The following ARHGAP8 variants were observed in gnomAD, a reference collection of about 807,000 sequenced individuals.
ARHGAP8 encodes the protein Rho GTPase activating protein 8, also known as rho GTPase-activating protein 8.
A neutral mutation model predicts 46.1 loss-of-function variants in ARHGAP8; 62 were observed. The ratio of observed to expected loss-of-function variants is 1.34; its 90% CI spans 1.10 to 1.66. The LOEUF is 1.66. Ranked by LOEUF, ARHGAP8 falls within the 40% of genes most tolerant of loss-of-function variation. The pLI, the probability that ARHGAP8 is intolerant of heterozygous loss-of-function variation, is 0.00. For missense variants in ARHGAP8, 923 were observed against 568.4 expected (o/e 1.62, Z -6.34); for synonymous variants, 375 against 243.1 (o/e 1.54, Z -5.05).
At chr22:44,819,786 T>G (rs750280544) in intron 5 of ARHGAP8, among the ~76,000 whole-genome samples, 1 of 152,196 alleles carries the variant, frequency 6.6e-6, no homozygotes, top group Non-Finnish European at 1.5e-5. Flanking sequence ...GTCAGCCACA[T>G]TTTCCCCATT....
chr22:44,840,456 C>G (rs1296446244), intron 7 of ARHGAP8, among the ~76,000 whole-genome samples: 1 of 152,080 alleles, frequency 6.6e-6, no homozygotes, highest in African/African-American at 2.4e-5. Flanking sequence ...CTTCTGCTCA[C>G]TAGATCCTCT....
intron 7 of ARHGAP8, among the ~76,000 whole-genome samples, chr22:44,828,367 C>A (rs565565608): frequency 6.6e-6 from 1 of 152,052 alleles, no homozygotes; most frequent in Non-Finnish European, 1.5e-5. Context: ...ACCTCGGTCC[C>A]CTCCTGGGGG....
chr22:44,862,118 G>C (rs910734915), intron 11 of ARHGAP8, among the ~76,000 whole-genome samples, 157 bp from the exon 12 acceptor site: 1 of 152,136 alleles, frequency 6.6e-6, no homozygotes, highest in Admixed American at 6.5e-5. Context: ...GCCCTGAGTG[G>C]GCAGGTGGCT....
rs1394146770 is a variant in ARHGAP8 at position 44,814,865 on chromosome 22, G to A, written c.386+107G>A. ...CGCATCATGGAGGGCCCGTCTCCAG[G>A]GTGCCTGTGTATCTGGGGCTCCCTA... On this transcript the variant is annotated intron_variant, in intron 5 of 11. Coordinates refer to ENST00000356099, the MANE Select transcript of ARHGAP8 (RefSeq NM_181335.3). 4.4e-6 allele frequency: 6 copies of A among 1,348,668 alleles called. No individual in the cohort carries two copies. In the East Asian group the frequency reaches 1.4e-4, roughly 33 times the overall value. 83.5% of individuals were successfully genotyped at this position (1,348,668 alleles called of 1,614,324 possible). A position where few individuals can be genotyped will look rare whatever the true frequency, so the allele number is the denominator to read the frequency against.
intron 7 of ARHGAP8, among the ~76,000 whole-genome samples, chr22:44,827,882 C>T (rs946739007): frequency 6.6e-6 from 1 of 152,152 alleles, no homozygotes; most frequent in Non-Finnish European, 1.5e-5. Flanking sequence ...AAGAGGACTG[C>T]TGGTGCCCCA....
intron 11 of ARHGAP8, among the ~76,000 whole-genome samples, chr22:44,861,101 A>G (rs376007230): frequency 6.6e-6 from 1 of 152,110 alleles, no homozygotes; most frequent in South Asian, 2.1e-4. Flanking sequence ...CCTCCCACGT[A>G]GCTGGGATTA....
intron 10 of ARHGAP8, among the ~76,000 whole-genome samples, chr22:44,855,812 T>C (rs546912133): frequency 6.6e-6 from 1 of 152,260 alleles, no homozygotes; most frequent in South Asian, 2.1e-4. Flanking sequence ...ATGTCAGCTG[T>C]CGCCGAGTCT....
intron 7 of ARHGAP8, among the ~76,000 whole-genome samples, chr22:44,835,340 C>T (rs1046766742): frequency 6.6e-6 from 1 of 151,812 alleles, no homozygotes; most frequent in Non-Finnish European, 1.5e-5. Flanking sequence ...GATTGTGGAG[C>T]CAGGCGTGGT....
intron 11 of ARHGAP8, among the ~76,000 whole-genome samples, chr22:44,861,971 C>T (rs574032775): frequency 6.6e-6 from 1 of 152,172 alleles, no homozygotes; most frequent in Non-Finnish European, 1.5e-5. Flanking sequence ...TACAGCCCAT[C>T]CCCAAGATTG....
chr22:44,856,962 C>T lies in ARHGAP8; in HGVS notation c.878-2769C>T, dbSNP rs550418214. On this transcript the variant is annotated intron_variant, in intron 10 of 11. Coordinates refer to ENST00000356099, the MANE Select transcript of ARHGAP8 (RefSeq NM_181335.3). ...AAGAATTCTTTTTTTTTTTTTGAGA[C>T]GGAGTTTTGCTCTTGTCGCAAAGGC... Among the ~76,000 whole-genome samples, 538 of 138,342 alleles carry T rather than the reference C, an allele frequency of 3.9e-3. 100 individuals are homozygous for T. Among genetic ancestry groups the T allele is most frequent in the African/African-American group, 0.015 (513 of 33,420 alleles). The allele number at this position is 138,342 out of a possible 152,430, so 90.8% of individuals were successfully genotyped here. A position where few individuals can be genotyped will look rare whatever the true frequency, so the allele number is the denominator to read the frequency against.
rs139403302 is a variant in ARHGAP8, at chr22:44,768,991, T to C, written c.-72+16364T>C. ...CTGGGATTACACGTGTGCACCATCA[T>C]GCCTGGCTAATTTTTGTATTTTTAG... On this transcript the variant is annotated intron_variant, in intron 1 of 11. Coordinates refer to ENST00000356099, the MANE Select transcript of ARHGAP8 (RefSeq NM_181335.3). Among the ~76,000 whole-genome samples the C allele has an allele frequency of 7.3e-3, 1,111 of 152,224 alleles. 6 individuals carry two copies. The highest frequency in any genetic ancestry group is 0.027 in the East Asian group (142 of 5,172).
chr22:44,776,815 G>A (rs920373284), intron 1 of ARHGAP8, among the ~76,000 whole-genome samples: 1 of 152,100 alleles, frequency 6.6e-6, no homozygotes, highest in African/African-American at 2.4e-5. Flanking sequence ...GGGGTGCATG[G>A]GAAGAGGTGT....
intron 7 of ARHGAP8, among the ~76,000 whole-genome samples, chr22:44,833,096 C>CTTTTCTTTTCTTTTTTT (rs535842585): frequency 8.3e-5 from 10 of 120,432 alleles, no homozygotes; most frequent in Admixed American, 1.8e-4. Flanking sequence ...CTTTTCTTTT[C>CTTTTCTTTTCTTTTTTT]TTTTTTTTTT....
intron 1 of ARHGAP8, among the ~76,000 whole-genome samples, chr22:44,758,547 T>C (rs909016403): frequency 6.6e-6 from 1 of 152,056 alleles, no homozygotes; most frequent in South Asian, 2.1e-4. Flanking sequence ...AATTGGACTT[T>C]AGCCAATGAT....
In ARHGAP8 at chr22:44,786,465, A is replaced by G. The variant is rs1302756668; in HGVS notation, c.-63A>G. The G allele has an allele frequency of 1.2e-6, 2 of 1,603,330 alleles. No individual in the cohort carries two copies. Among genetic ancestry groups the G allele is most frequent in the Non-Finnish European group, 1.7e-6 (2 of 1,175,208 alleles). On this transcript the variant is annotated 5_prime_UTR_variant, in exon 2 of 12. Coordinates refer to ENST00000356099, the MANE Select transcript of ARHGAP8 (RefSeq NM_181335.3). ...AATCTTCTTTGCCGCAGAGCTGCAG[A>G]GAGACAAGGCGGCGGCGGCTGCTGT...
rs1336562781 is a variant in ARHGAP8, at chr22:44,798,889, C to T, written c.80-3188C>T. Among the ~76,000 whole-genome samples the T allele has an allele frequency of 3.4e-5, 5 of 145,136 alleles. No homozygotes were observed. In the South Asian group the frequency reaches 1.1e-3, roughly 31 times the overall value. ...CAAGCAATTTCCTGCCTCAGCCTCCCGAGTAGCTGGGATTACAGGCATGTG... is the reference window on the plus strand; with the variant it reads ...CAAGCAATTTCCTGCCTCAGCCTCCTGAGTAGCTGGGATTACAGGCATGTG... On this transcript the variant is annotated intron_variant, in intron 2 of 11. Coordinates refer to ENST00000356099, the MANE Select transcript of ARHGAP8 (RefSeq NM_181335.3).
chr22:44,799,037 A>T (rs1928295939), intron 2 of ARHGAP8, among the ~76,000 whole-genome samples: 1 of 152,126 alleles, frequency 6.6e-6, no homozygotes, highest in Non-Finnish European at 1.5e-5. Context: ...GAGGGGCTGC[A>T]CCCTGCTCCA....
intron 2 of ARHGAP8, among the ~76,000 whole-genome samples, chr22:44,794,587 G>A (rs1298875022): frequency 3.9e-5 from 6 of 152,122 alleles, no homozygotes. Flanking sequence ...GTGCGCACCT[G>A]TAGTCCCAGC....
intron 7 of ARHGAP8, 120 bp from the exon 8 acceptor site, chr22:44,845,149 C>A (rs2069922013): frequency 4.8e-6 from 6 of 1,246,318 alleles, no homozygotes; most frequent in Non-Finnish European, 6.7e-6. Flanking sequence ...CCTCTCTCTT[C>A]CTGGACAGTG....
Sources: allele counts gnomAD v4.1 joint callset (sites outside exome capture counted in the v4.1 genomes callset), GRCh38; gene constraint gnomAD v4.1.1; transcripts MANE v1.5; gene names NCBI Gene and HGNC (gene_info 2026-07-23, HGNC 2026-07-21).